The following TTC19 variants were observed in gnomAD, a reference collection of about 807,000 sequenced individuals.
The protein encoded by TTC19 is tetratricopeptide repeat domain 19.
Under a neutral mutation model 49.5 loss-of-function variants are expected in TTC19, and 38 were observed. That is an observed-to-expected ratio of 0.77 (90% CI 0.59 to 1.01). TTC19 has a LOEUF of 1.01. TTC19 is among the 50% of genes least tolerant of loss of function. The pLI is 0.00. For synonymous variants in TTC19, 204 were observed against 185.2 expected (o/e 1.10, Z -0.83); for missense variants, 475 against 477.7 (o/e 0.99, Z 0.05).
chr17:16,014,072 C>A (rs1434373921), intron 7 of TTC19, among the ~76,000 whole-genome samples: 1 of 152,168 alleles, frequency 6.6e-6, no homozygotes, highest in Non-Finnish European at 1.5e-5. Context: ...CCCATGCTCC[C>A]CTGGTGGTTG....
intron 2 of TTC19, among the ~76,000 whole-genome samples, chr17:16,043,135 AAAGGAAAGTGGT>A (rs2058046983): frequency 6.6e-6 from 1 of 152,218 alleles, no homozygotes; most frequent in Non-Finnish European, 1.5e-5. Context: ...GCATTTCAGG[AAAGGAAAGTGGT>A]TCACTGTGTC....
intron 9 of TTC19, 26 bp downstream of exon 9, chr17:16,026,728 A>T (rs888826106): frequency 6.8e-6 from 11 of 1,612,844 alleles, no homozygotes; most frequent in Admixed American, 3.3e-5. Context: ...AACTTAACTG[A>T]CTTGCTTTAA....
chr17:16,002,003 C>T lies in TTC19; in HGVS notation c.401C>T (p.Ala134Val). 6.2e-7 allele frequency: 1 copy of T among 1,612,108 alleles called. No homozygotes were observed. The highest frequency in any genetic ancestry group is 8.5e-7 in the Non-Finnish European group (1 of 1,179,460). Residue 134 changes from alanine to valine, a missense_variant, in exon 3 of 10, where the codon GCC becomes GTC. Coordinates refer to ENST00000261647, the MANE Select transcript of TTC19 (RefSeq NM_017775.4). ...GCCTATCAGACTGATAACAAGAAGG[C>T]CATCACTTACACTTATGATTTGGTA... Reference protein sequence around the residue: ...RLAYQTDNKKAITYTYDLMAN... With the variant: ...RLAYQTDNKKVITYTYDLMAN...
chr17:16,003,767 G>T, intron 4 of TTC19, 64 bp from the exon 5 acceptor site: 1 of 1,391,210 alleles, frequency 7.2e-7, no homozygotes, highest in Non-Finnish European at 1.0e-6. Context: ...TAGAATCCAG[G>T]GTCATATATA....
chr17:16,001,876 A>G lies in TTC19; in HGVS notation c.313-39A>G, dbSNP rs3760298. Reference sequence around the variant, plus strand: ...CTGTCTCTTAGCATATGCATCTACTATATGTTTCATTTTCTATTATTTTGT... The same window carrying G: ...CTGTCTCTTAGCATATGCATCTACTGTATGTTTCATTTTCTATTATTTTGT... On this transcript the variant is annotated intron_variant, in intron 2 of 9. Transcript: ENST00000261647. The G allele has an allele frequency of 0.5, 701,290 of 1,413,406 alleles. 180,456 individuals carry two copies. Among genetic ancestry groups the G allele is most frequent in the Middle Eastern group, 0.56 (3,200 of 5,706 alleles). 87.6% of individuals were successfully genotyped at this position (1,413,406 alleles called of 1,614,324 possible).
rs779925213 is a variant in TTC19 at position 16,002,792 on chromosome 17, G to A, written c.424-1G>A. On this transcript the variant is annotated splice_acceptor_variant, in intron 3 of 9. Coordinates refer to ENST00000261647, the MANE Select transcript of TTC19 (RefSeq NM_017775.4). LOFTEE classifies it high-confidence loss of function. ...AAAAACAATTTGTAATTTGCTTTCAGATGGCCAACTTAGCATTTATACGGG... is the reference window on the plus strand; with the variant it reads ...AAAAACAATTTGTAATTTGCTTTCAAATGGCCAACTTAGCATTTATACGGG... 1.2e-6 allele frequency: 2 copies of A among 1,613,914 alleles called. No individual in the cohort carries two copies. Among genetic ancestry groups the A allele is most frequent in the East Asian group, 2.2e-5 (1 of 44,878 alleles).
At position 16,000,109 on chromosome 17, in the gene TTC19, T is replaced by C; in HGVS notation, c.185-9T>C. 1 of 1,538,088 alleles carries C rather than the reference T, an allele frequency of 6.5e-7. No homozygotes were observed. On this transcript the variant is annotated splice_polypyrimidine_tract_variant and intron_variant, in intron 1 of 9. Transcript: ENST00000261647. ...CCGGGCCCGATGACCTCAGAGCCCC[T>C]TCCCGCAGCGCTCGCCTGGTTCTCG...
intron 2 of TTC19, among the ~76,000 whole-genome samples, chr17:16,042,160 C>CAA (rs10684399): frequency 1.3e-5 from 2 of 151,458 alleles, no homozygotes; most frequent in Non-Finnish European, 2.9e-5. Flanking sequence ...TTTAAACTGA[C>CAA]AGAGGAGAAA....
Position 16,029,063 on chromosome 17 carries a change from G to A in TTC19, c.*1541G>A, listed in dbSNP as rs765872273. ...TGTTTCAGTAGAAACCAGTATTAAC[G>A]TATGGTGATTTCTTAAAAAAATTAA... On this transcript the variant is annotated 3_prime_UTR_variant, in exon 10 of 10. Transcript: ENST00000261647. 16 of 452,552 alleles carry A rather than the reference G, an allele frequency of 3.5e-5. No individual in the cohort carries two copies. The highest frequency in any genetic ancestry group is 1.4e-4 in the South Asian group (9 of 63,886). 28.0% of individuals were successfully genotyped at this position (452,552 alleles called of 1,614,324 possible). A position where few individuals can be genotyped will look rare whatever the true frequency, so the allele number is the denominator to read the frequency against.
At chr17:16,005,291 ACTGGGAGCGTCTT>A (rs1470997167) in intron 6 of TTC19, among the ~76,000 whole-genome samples, 2 of 152,220 alleles carry the variant, frequency 1.3e-5, no homozygotes, top group Non-Finnish European at 2.9e-5. Context: ...TCTTGCTCCG[ACTGGGAGCGTCTT>A]CTGGGCAGTG....
At chr17:16,024,110 T>G (rs917405767) in intron 7 of TTC19, 2 of 152,200 alleles carry the variant, frequency 1.3e-5, no homozygotes, top group African/African-American at 4.8e-5. Flanking sequence ...CAGGTTGATA[T>G]AGGTTACCGT....
At chr17:16,020,885 G>A (rs1055758841) in intron 7 of TTC19, among the ~76,000 whole-genome samples, 2 of 152,022 alleles carry the variant, frequency 1.3e-5, no homozygotes, top group African/African-American at 2.4e-5. Context: ...ATGAGGTTTC[G>A]CTATGTTGTC....
At chr17:16,034,405 G>A (rs1337875282) in intron 2 of TTC19, among the ~76,000 whole-genome samples, 4 of 151,980 alleles carry the variant, frequency 2.6e-5, no homozygotes, top group African/African-American at 7.2e-5. Flanking sequence ...CCTGGGCAAC[G>A]TAGTGAGACC....
chr17:16,018,667 T>G (rs1225450901), intron 7 of TTC19, among the ~76,000 whole-genome samples: 2 of 152,046 alleles, frequency 1.3e-5, no homozygotes, highest in Non-Finnish European at 2.9e-5. Context: ...TCACCATGCC[T>G]GGCTAATTTC....
chr17:16,007,946 T>C (rs577110151), intron 7 of TTC19, among the ~76,000 whole-genome samples: 202 of 152,322 alleles, frequency 1.3e-3, no homozygotes, highest in Admixed American at 2.5e-3. Flanking sequence ...CCAAATCCAA[T>C]GGTTACTTCT....
At chr17:16,044,304 G>C (rs2058284803) in intron 2 of TTC19, 1 of 446,250 alleles carries the variant, frequency 2.2e-6, no homozygotes, top group Non-Finnish European at 4.6e-6. Flanking sequence ...GCGAGGACAA[G>C]TTCAGAAACA....
chr17:16,033,238 G>A (rs144845313), downstream of TTC19, among the ~76,000 whole-genome samples: 5,786 of 151,434 alleles, frequency 0.038, 113 homozygotes, highest in East Asian at 0.074. Context: ...GGGAGGCTGA[G>A]GCAGGAGAAT....
intron 7 of TTC19, among the ~76,000 whole-genome samples, chr17:16,011,633 C>A (rs1316167695): frequency 6.6e-6 from 1 of 152,114 alleles, no homozygotes; most frequent in Non-Finnish European, 1.5e-5. Flanking sequence ...ACTGAGATTT[C>A]CAAGTCAAGA....
intron 2 of TTC19, among the ~76,000 whole-genome samples, chr17:16,038,773 G>GTGTA (rs769173086): frequency 2.0e-5 from 3 of 151,632 alleles, no homozygotes; most frequent in Non-Finnish European, 4.4e-5. Context: ...GTGTGTGTCT[G>GTGTA]TGTATGTATG....
Sources: allele counts gnomAD v4.1 joint callset (sites outside exome capture counted in the v4.1 genomes callset), GRCh38; gene constraint gnomAD v4.1.1; transcripts MANE v1.5; gene names NCBI Gene and HGNC (gene_info 2026-07-23, HGNC 2026-07-21).